PREPL: variants seen among roughly 807,000 people sequenced by gnomAD.
PREPL encodes prolyl endopeptidase-like.
PREPL carries 77 observed loss-of-function variants against 70.6 expected under a neutral mutation model. That is an observed-to-expected ratio of 1.09 (90% CI 0.91 to 1.32). The LOEUF is 1.32. PREPL is among the 40% of genes most tolerant of loss of function. The probability of loss-of-function intolerance (pLI) is 0.00; values close to 1 mark genes in which losing one functional copy is unlikely to be tolerated. For missense variants in PREPL, 1,002 were observed against 778.2 expected (o/e 1.29, Z -3.42); for synonymous variants, 315 against 264.8 (o/e 1.19, Z -1.84).
At chr2:44,321,678 A>T (rs1279477053) in intron 13 of PREPL, 149 bp downstream of exon 13, 1 of 1,548,846 alleles carries the variant, frequency 6.5e-7, no homozygotes, top group South Asian at 1.2e-5. Context: ...TGATTGACAC[A>T]GTGTCCCTCC....
At chr2:44,344,459 T>G in intron 3 of PREPL, 61 bp downstream of exon 3, 1 of 1,199,598 alleles carries the variant, frequency 8.3e-7, no homozygotes, top group Non-Finnish European at 1.2e-6. Flanking sequence ...ATTAATAAAT[T>G]TCCTATAAAA....
At position 44,343,899 on chromosome 2, in the gene PREPL, G is replaced by T. The variant is rs969723623; in HGVS notation, c.195C>A (p.Asp65Glu). ...CTCTGATACAATCAATGAAGGGCTG[G>T]TCTAACTTAAGTTCCTCCAAATTGA... is the stretch of plus-strand genomic sequence containing the variant. ...VLFNLEELKL[D>E]QPFIDCIRVA... is the part of the protein sequence containing the mutation. Residue 65 changes from aspartate (D) to glutamate (E), a missense_variant, in exon 4 of 14, where the codon GAC (aspartate) becomes GAA (glutamate). By Grantham distance (45) the Asp-to-Glu change is conservative. Coordinates refer to ENST00000409411, the MANE Select transcript of PREPL (RefSeq NM_001171613.2). 2 of 1,614,042 alleles carry T rather than the reference G, an allele frequency of 1.2e-6. No individual in the cohort carries two copies. The highest frequency in any genetic ancestry group is 2.2e-5 in the South Asian group (2 of 91,080).
chr2:44,344,442 T>A (rs947255299), intron 3 of PREPL, 78 bp downstream of exon 3: 2 of 1,096,238 alleles, frequency 1.8e-6, no homozygotes, highest in Admixed American at 5.8e-5. Flanking sequence ...TTCTCTATCT[T>A]TGAGAAATTA....
chr2:44,325,693 T>A lies in PREPL; in HGVS notation c.1479+1019A>T, dbSNP rs148432897. Among the ~76,000 whole-genome samples, 444 of 152,286 alleles carry A rather than the reference T, an allele frequency of 2.9e-3. 1 individual carries two copies. The highest frequency in any genetic ancestry group is 9.4e-3 in the African/African-American group (390 of 41,570). On this transcript the variant is annotated intron_variant, in intron 10 of 13. Transcript: ENST00000409411. ...GTGCATAGGCTATTCTCCACATTTT[T>A]CTGTTTTTAAAAAATAGACTTACAG...
Position 44,332,642 on chromosome 2 carries a change from G to C in PREPL, c.903C>G (p.Ala301=). 1.2e-6 allele frequency: 2 copies of C among 1,611,742 alleles called. No individual in the cohort carries two copies. The highest frequency in any genetic ancestry group is 2.2e-5 in the South Asian group (2 of 90,686). ...AATTTGTATCCATTATGAATCCACAGGCCCAAGGAGGGAGCTAAAGAAATA... is the reference window on the plus strand; with the variant it reads ...AATTTGTATCCATTATGAATCCACACGCCCAAGGAGGGAGCTAAAGAAATA... ...SVRSLKLPPW[A]CGFIMDTNSD... Residue 301 remains alanine (A), a synonymous_variant, in exon 8 of 14, where the codon GCC becomes GCG. Transcript: ENST00000409411.
Position 44,320,001 on chromosome 2 carries a change from G to C in PREPL, c.*1355C>G. On this transcript the variant is annotated 3_prime_UTR_variant, in exon 14 of 14. Coordinates refer to ENST00000409411, the MANE Select transcript of PREPL (RefSeq NM_001171613.2). ...GTACTTATTGACTCCCAGACAAGCC[G>C]AAACCCCGAATTTGTCATTTCTATC... The C allele has an allele frequency of 1.7e-6, 1 of 580,786 alleles. No homozygotes were observed. Among genetic ancestry groups the C allele is most frequent in the Non-Finnish European group, 3.0e-6 (1 of 328,844 alleles). 36.0% of individuals were successfully genotyped at this position (580,786 alleles called of 1,614,324 possible). A position where few individuals can be genotyped will look rare whatever the true frequency, so the allele number is the denominator to read the frequency against.
rs761697797 is a variant in PREPL at position 44,329,085 on chromosome 2, A to G, written c.1114T>C (p.Phe372Leu). 19 of 1,607,422 alleles carry G rather than the reference A, an allele frequency of 1.2e-5. No individual in the cohort carries two copies. The highest frequency in any genetic ancestry group is 1.6e-5 in the Non-Finnish European group (19 of 1,174,390). ...AAGTCCTCAGAGTCAGTTTTGTGGA[A>G]AACAGTCATTGGCACTAATTTTCCA... is the stretch of plus-strand genomic sequence containing the variant. The part of the protein sequence containing the change: ...KDGKLVPMTV[F>L]HKTDSEDLQK... The change falls in exon 9 of 14, where the codon TTC becomes CTC. Residue 372 changes from phenylalanine (F) to leucine (L), a missense_variant. Physicochemically the swap from Phe to Leu is conservative, Grantham distance 22 (BLOSUM62 0). Transcript: ENST00000409411.
chr2:44,354,857 G>A lies in PREPL; in HGVS notation c.-49+6523C>T, dbSNP rs144101394. Among the ~76,000 whole-genome samples the A allele has an allele frequency of 1.8e-4, 27 of 152,278 alleles. No homozygotes were observed. The East Asian group carries it at 4.6e-3, about 26-fold the overall frequency. On this transcript the variant is annotated intron_variant, in intron 1 of 13. Transcript: ENST00000409411. ...CTCCCAAAGTGCTAGGATTATAGGC[G>A]TGAGGCGCCACGCCCGGCCTTCTTC...
In PREPL at chr2:44,320,707, G is replaced by A; in HGVS notation, c.*649C>T. 2 of 1,177,424 alleles carry A rather than the reference G, an allele frequency of 1.7e-6. No individual in the cohort carries two copies. Among genetic ancestry groups the A allele is most frequent in the East Asian group, 2.3e-5 (1 of 42,722 alleles). 72.9% of individuals were successfully genotyped at this position (1,177,424 alleles called of 1,614,324 possible). On this transcript the variant is annotated 3_prime_UTR_variant, in exon 14 of 14. Coordinates refer to ENST00000409411, the MANE Select transcript of PREPL (RefSeq NM_001171613.2). ...TTGTAAGCATTTGTAATAGCTTCAT[G>A]TACAGCATGCTGCTTGGTGAACAAT...
chr2:44,349,409 A>G (rs1193199704), intron 1 of PREPL, among the ~76,000 whole-genome samples: 2 of 152,170 alleles, frequency 1.3e-5, no homozygotes, highest in Non-Finnish European at 2.9e-5. Context: ...CACATTTTGG[A>G]CAACTGGAGC....
rs371537299 is a variant in PREPL, at chr2:44,320,222, G to T, written c.*1134C>A. 30 of 1,613,660 alleles carry T rather than the reference G, an allele frequency of 1.9e-5. No homozygotes were observed. The highest frequency in any genetic ancestry group is 2.5e-5 in the Non-Finnish European group (30 of 1,179,818). On this transcript the variant is annotated 3_prime_UTR_variant, in exon 14 of 14. Coordinates refer to ENST00000409411, the MANE Select transcript of PREPL (RefSeq NM_001171613.2). ...AGGTCCAAAAGACTCAGCCCAGATC[G>T]GCTTTGAAGTTATATCAAGATTTAA...
intron 5 of PREPL, among the ~76,000 whole-genome samples, chr2:44,340,351 A>G (rs1207867625): frequency 6.6e-6 from 1 of 152,138 alleles, no homozygotes; most frequent in Non-Finnish European, 1.5e-5. Context: ...GATGAATATA[A>G]TCAAATAATA....
chr2:44,322,262 G>T (rs547317912), intron 12 of PREPL, among the ~76,000 whole-genome samples: 1 of 152,142 alleles, frequency 6.6e-6, no homozygotes, highest in East Asian at 1.9e-4. Context: ...AGACTGATAT[G>T]GCATGTAGTT....
intron 5 of PREPL, among the ~76,000 whole-genome samples, chr2:44,341,743 TA>T (rs35671442): frequency 1.0e-4 from 15 of 148,340 alleles, no homozygotes; most frequent in Non-Finnish European, 1.3e-4. Flanking sequence ...AAAAGAAAAG[TA>T]AAAAAAAAAC....
chr2:44,361,322 G>C (rs1677777574), intron 1 of PREPL, 58 bp downstream of exon 1: 1 of 152,536 alleles, frequency 6.6e-6, no homozygotes, highest in Non-Finnish European at 1.5e-5. Flanking sequence ...AGGGGTGGGT[G>C]GCTGGGCGGG....
intron 1 of PREPL, among the ~76,000 whole-genome samples, chr2:44,355,893 C>T (rs1334549404): frequency 6.6e-6 from 1 of 151,898 alleles, no homozygotes; most frequent in Non-Finnish European, 1.5e-5. Context: ...TTTAATTATA[C>T]AATTTCATTT....
chr2:44,321,480 G>T (rs775308726), intron 13 of PREPL, 35 bp from the exon 14 acceptor site: 2 of 1,594,458 alleles, frequency 1.3e-6, no homozygotes, highest in Admixed American at 3.4e-5. Context: ...TAAATAGAAG[G>T]CCTTTGTAGT....
At position 44,325,242 on chromosome 2, in the gene PREPL, C is replaced by A. The variant is rs1244572632; in HGVS notation, c.1479+1470G>T. On this transcript the variant is annotated intron_variant, in intron 10 of 13. Transcript: ENST00000409411. ...CAACCAGACACATGTGCTTTACACTCTGCATGGAAAGTTAGTGATTCAAAG... is the reference window on the plus strand; with the variant it reads ...CAACCAGACACATGTGCTTTACACTATGCATGGAAAGTTAGTGATTCAAAG... Among the ~76,000 whole-genome samples the A allele has an allele frequency of 2.0e-5, 3 of 152,222 alleles. No individual in the cohort carries two copies. The East Asian group carries it at 5.8e-4, about 29-fold the overall frequency.
chr2:44,333,537 C>T (rs955990079), intron 7 of PREPL, among the ~76,000 whole-genome samples: 6 of 151,974 alleles, frequency 3.9e-5, no homozygotes, highest in Admixed American at 3.3e-4. Flanking sequence ...TGAAAAAGGG[C>T]AGCCGGGGAT....
Sources: gnomAD v4.1 joint callset for allele counts (sites outside exome capture counted in the v4.1 genomes callset) on GRCh38, gnomAD v4.1.1 for gene constraint, MANE v1.5 for transcripts, NCBI Gene and HGNC (gene_info 2026-07-23, HGNC 2026-07-21) for gene names.